Variants in AGO2 observed in about 807,000 individuals in gnomAD.
AGO2 encodes the protein argonaute RISC catalytic component 2, also known as protein argonaute-2.
Under a neutral mutation model 102.3 loss-of-function variants are expected in AGO2, and 5 were observed. The ratio of observed to expected loss-of-function variants is 0.05; its 90% confidence interval spans 0.03 to 0.10. The LOEUF is 0.10. AGO2 is among the 10% of genes least tolerant of loss of function. The pLI is 1.00. For synonymous variants in AGO2, 449 were observed against 473.1 expected (o/e 0.95, Z 0.66); for missense variants, 541 against 1,183.7 (o/e 0.46, Z 7.97).
At chr8:140,601,372 C>T (rs1196773290) in intron 1 of AGO2, among the ~76,000 whole-genome samples, 4 of 152,342 alleles carry the variant, frequency 2.6e-5, no homozygotes, top group South Asian at 4.1e-4. Flanking sequence ...ACCCCCCCGC[C>T]GCTGTGCTCG....
At chr8:140,593,428 G>A (rs1002663423) in intron 1 of AGO2, among the ~76,000 whole-genome samples, 9 of 151,582 alleles carry the variant, frequency 5.9e-5, no homozygotes, top group African/African-American at 1.7e-4. Flanking sequence ...CTGACCTCAG[G>A]TGATCCACCC....
rs1006125571 is a variant in AGO2, at chr8:140,557,922, T to A, written c.878+563A>T. On this transcript the variant is annotated intron_variant, in intron 7 of 18. Transcript: ENST00000220592. This position sits in a 1 kb window ranked among gnomAD's most constrained non-coding sequence, Gnocchi z 5.9. ...CGGGCATCTTGGTACCTCCAGTGCC[T>A]GGCAACAGGCCTGGCACTTTCCATG... is the stretch of plus-strand genomic sequence containing the variant. 6.6e-6 allele frequency among the ~76,000 whole-genome samples: 1 copy of A among 152,180 alleles called. No homozygotes were observed. The highest frequency in any genetic ancestry group is 2.1e-4 in the South Asian group (1 of 4,824).
intron 1 of AGO2, among the ~76,000 whole-genome samples, chr8:140,606,464 T>C (rs988204581): frequency 6.6e-6 from 1 of 152,236 alleles, no homozygotes. Flanking sequence ...TACTTTGTTT[T>C]GCTTAAAAAC....
intron 1 of AGO2, among the ~76,000 whole-genome samples, chr8:140,635,023 C>T (rs992631799): frequency 1.3e-5 from 2 of 150,570 alleles, no homozygotes; most frequent in African/African-American, 4.9e-5. Context: ...CCTCCACCCG[C>T]TCAGGCGCTC....
At chr8:140,568,103 C>CAAAAAAAAAAAAAAAA (rs553804959) in intron 3 of AGO2, among the ~76,000 whole-genome samples, 1 of 110,652 alleles carries the variant, frequency 9.0e-6, no homozygotes, top group Non-Finnish European at 1.8e-5. Flanking sequence ...ACTAAAAATA[C>CAAAAAAAAAAAAAAAA]AAAAAAAAAA....
At chr8:140,550,439 G>C (rs1472613264) in intron 11 of AGO2, among the ~76,000 whole-genome samples, 1 of 152,204 alleles carries the variant, frequency 6.6e-6, no homozygotes, top group African/African-American at 2.4e-5. Context: ...TGCTGGCCGA[G>C]GCGAGCATCC....
intron 10 of AGO2, 72 bp downstream of exon 10, chr8:140,555,824 T>A: frequency 6.5e-7 from 1 of 1,547,870 alleles, no homozygotes; most frequent in Non-Finnish European, 8.7e-7. Flanking sequence ...GGGCGATAGC[T>A]CAGAACCTGA....
At chr8:140,591,043 C>T (rs1360677735) in intron 1 of AGO2, among the ~76,000 whole-genome samples, 1 of 152,176 alleles carries the variant, frequency 6.6e-6, no homozygotes, top group Non-Finnish European at 1.5e-5. Flanking sequence ...AAGGCTGGGT[C>T]GGAATGAAGG....
chr8:140,533,874 G>C (rs1005122354), intron 17 of AGO2, among the ~76,000 whole-genome samples: 1 of 152,074 alleles, frequency 6.6e-6, no homozygotes, highest in African/African-American at 2.4e-5. Flanking sequence ...GTGTGAACGT[G>C]AGTACCATTT....
chr8:140,600,781 G>A (rs544167820), intron 1 of AGO2, among the ~76,000 whole-genome samples: 2 of 151,872 alleles, frequency 1.3e-5, no homozygotes, highest in African/African-American at 2.4e-5. Flanking sequence ...CGCCACGTCC[G>A]TCCTATGTCC....
intron 2 of AGO2, among the ~76,000 whole-genome samples, chr8:140,583,000 T>C (rs1188202670): frequency 6.6e-6 from 1 of 152,132 alleles, no homozygotes; most frequent in African/African-American, 2.4e-5. Flanking sequence ...GGAGACTGCG[T>C]GTTAGTCAGG....
intron 2 of AGO2, among the ~76,000 whole-genome samples, chr8:140,580,764 T>G (rs984917032): frequency 6.6e-6 from 1 of 152,248 alleles, no homozygotes; most frequent in Non-Finnish European, 1.5e-5. Context: ...GACATTTTCC[T>G]ATGCTGTTTT....
chr8:140,636,066 C>G (rs1442907917), upstream of AGO2, among the ~76,000 whole-genome samples: 2 of 151,404 alleles, frequency 1.3e-5, no homozygotes, highest in Non-Finnish European at 3.0e-5. Flanking sequence ...CCCCGCCGCC[C>G]CCCGGTGGGG....
upstream of AGO2, among the ~76,000 whole-genome samples, chr8:140,639,576 G>A (rs1412937794): frequency 2.6e-5 from 4 of 151,054 alleles, no homozygotes; most frequent in African/African-American, 4.9e-5. Flanking sequence ...TTGAGGCCAC[G>A]AGTTCCAGAC....
Position 140,616,500 on chromosome 8 carries a change from T to G in AGO2, c.22+18985A>C, listed in dbSNP as rs116166318. On this transcript the variant is annotated intron_variant, in intron 1 of 18. Coordinates refer to ENST00000220592, the MANE Select transcript of AGO2 (RefSeq NM_012154.5). ...TGATAATAATTGCAATGAATTATAA[T>G]CAACAATTGCTCATAACTAAATTAT... is the stretch of plus-strand genomic sequence containing the variant. Among the ~76,000 whole-genome samples the G allele has an allele frequency of 7.0e-3, 309 of 44,090 alleles. 3 individuals carry two copies. The highest frequency in any genetic ancestry group is 0.029 in the African/African-American group (294 of 10,202). The allele number at this position is 44,090 out of a possible 152,430, so 28.9% of individuals were successfully genotyped here. A position where few individuals can be genotyped will look rare whatever the true frequency, so the allele number is the denominator to read the frequency against.
At chr8:140,641,532 A>G in the AGO2 span, among the ~76,000 whole-genome samples, 2 of 152,162 alleles carry the variant, frequency 1.3e-5, no homozygotes, top group Admixed American at 1.3e-4. Flanking sequence ...TGGCTGTAAG[A>G]CCAATATTTT....
At chr8:140,642,216 G>A in the AGO2 span, among the ~76,000 whole-genome samples, 1 of 152,130 alleles carries the variant, frequency 6.6e-6, no homozygotes, top group Non-Finnish European at 1.5e-5. Context: ...GGGGAGACAG[G>A]GAGCGGCACG....
chr8:140,532,635 TAGACAG>T lies in AGO2; in HGVS notation c.2272-26_2272-21del, dbSNP rs751344250. ...TGTCCCCTAAAGCAGATCAGAAGAT[TAGACAG>T]TTGGACTCGCATAAAATCTTTAAAA... On this transcript the variant is annotated intron_variant, in intron 17 of 18. Coordinates refer to ENST00000220592, the MANE Select transcript of AGO2 (RefSeq NM_012154.5). 6.2e-7 allele frequency: 1 copy of T among 1,611,316 alleles called. No individual in the cohort carries two copies. The highest frequency in any genetic ancestry group is 1.1e-5 in the South Asian group (1 of 91,014).
intron 1 of AGO2, among the ~76,000 whole-genome samples, chr8:140,612,077 G>T (rs1161521389): frequency 6.6e-6 from 1 of 151,970 alleles, no homozygotes; most frequent in Non-Finnish European, 1.5e-5. Flanking sequence ...CAAAAAATTA[G>T]CCGGGAGCAG....
Sources: gnomAD v4.1 joint callset for allele counts (sites outside exome capture counted in the v4.1 genomes callset) on GRCh38, gnomAD v4.1.1 for gene constraint, Gnocchi (gnomAD v3.1) non-coding constraint, MANE v1.5 for transcripts, NCBI Gene and HGNC (gene_info 2026-07-23, HGNC 2026-07-21) for gene names.